Variants in DAB1 observed in about 807,000 individuals in gnomAD.
DAB1 encodes DAB adaptor protein 1.
A neutral mutation model predicts 64.6 loss-of-function variants in DAB1; 15 were observed. That is an observed-to-expected ratio of 0.23 (90% CI 0.16 to 0.36). The LOEUF is 0.36. DAB1 is among the 10% of genes least tolerant of loss of function. DAB1 has a pLI of 1.00. For synonymous variants in DAB1, 235 were observed against 251.9 expected (o/e 0.93, Z 0.64); for missense variants, 596 against 706.7 (o/e 0.84, Z 1.78).
chr1:58,396,869 T>C (rs1024268619), intron 3 of DAB1, among the ~76,000 whole-genome samples: 3 of 152,126 alleles, frequency 2.0e-5, no homozygotes, highest in Non-Finnish European at 4.4e-5. Context: ...AAGACCATCC[T>C]GGCTAACACG....
intron 6 of DAB1, among the ~76,000 whole-genome samples, chr1:57,677,123 C>T (rs1157679378): frequency 6.6e-6 from 1 of 152,156 alleles, no homozygotes; most frequent in African/African-American, 2.4e-5. Context: ...GGCCCTCTCT[C>T]CACCATGTAA....
intron 5 of DAB1, among the ~76,000 whole-genome samples, chr1:58,118,501 TATAC>T (rs1553161121): frequency 7.9e-5 from 5 of 63,288 alleles, no homozygotes; most frequent in African/African-American, 1.4e-4. Context: ...TATATATATA[TATAC>T]ACACACACAC....
Position 57,026,056 on chromosome 1 carries a change from A to C in DAB1, c.724-13T>G. 4 of 1,600,320 alleles carry C rather than the reference A, an allele frequency of 2.5e-6. No homozygotes were observed. Among genetic ancestry groups the C allele is most frequent in the Non-Finnish European group, 2.6e-6 (3 of 1,172,930 alleles). On this transcript the variant is annotated splice_polypyrimidine_tract_variant and intron_variant, in intron 9 of 14. Coordinates refer to ENST00000371236, the MANE Select transcript of DAB1 (RefSeq NM_001365792.1). ...ATTGGGTCACAGCCTGTAAAGACAA[A>C]AAGGTAATCATGTGACTACAAAGAA...
At chr1:58,248,573 A>T (rs899738730) in intron 4 of DAB1, among the ~76,000 whole-genome samples, 2 of 152,086 alleles carry the variant, frequency 1.3e-5, no homozygotes, top group African/African-American at 4.8e-5. Context: ...ATCTAGCATC[A>T]AACGTACAAG....
chr1:57,369,586 T>C (rs1680331128), intron 1 of DAB1, among the ~76,000 whole-genome samples: 1 of 152,186 alleles, frequency 6.6e-6, no homozygotes, highest in African/African-American at 2.4e-5. Context: ...ACTAACATTC[T>C]TGTAATGTCT....
intron 1 of DAB1, among the ~76,000 whole-genome samples, chr1:57,343,019 C>G (rs1441120886): frequency 2.6e-5 from 1 of 37,982 alleles, no homozygotes; most frequent in East Asian, 2.5e-4. Flanking sequence ...GCTCGGGCAG[C>G]CTGCTTTTAT....
chr1:57,186,261 T>G (rs889067001), intron 2 of DAB1, among the ~76,000 whole-genome samples: 7 of 152,180 alleles, frequency 4.6e-5, no homozygotes, highest in African/African-American at 1.7e-4. Flanking sequence ...GCCCCAGCTC[T>G]CAAGTCCAGG....
chr1:57,898,580 A>T (rs1644425514), intron 5 of DAB1, among the ~76,000 whole-genome samples: 1 of 152,144 alleles, frequency 6.6e-6, no homozygotes, highest in Admixed American at 6.6e-5. Flanking sequence ...GAACTTAATT[A>T]AAAAAATATC....
At chr1:58,323,866 A>G (rs1469835992) in intron 4 of DAB1, among the ~76,000 whole-genome samples, 2 of 148,052 alleles carry the variant, frequency 1.4e-5, no homozygotes, top group African/African-American at 5.0e-5. Flanking sequence ...TGGAGCTTGC[A>G]GTGAGCCCAG....
chr1:57,329,340 AG>A (rs1211514695), intron 1 of DAB1, among the ~76,000 whole-genome samples: 1 of 152,228 alleles, frequency 6.6e-6, no homozygotes, highest in East Asian at 1.9e-4. Flanking sequence ...CCATGACATG[AG>A]CTAAATGGAC....
intron 6 of DAB1, among the ~76,000 whole-genome samples, chr1:57,745,873 T>A (rs2101796882): frequency 6.6e-6 from 1 of 152,336 alleles, no homozygotes; most frequent in Admixed American, 6.5e-5. Flanking sequence ...TAATAGTCTA[T>A]TATTTATACA....
At chr1:57,413,102 C>G (rs1160953378) in intron 1 of DAB1, among the ~76,000 whole-genome samples, 3 of 152,118 alleles carry the variant, frequency 2.0e-5, no homozygotes, top group Non-Finnish European at 4.4e-5. Context: ...AAAAATGGAA[C>G]AATGAAGCCT....
intron 5 of DAB1, among the ~76,000 whole-genome samples, chr1:57,927,118 C>G (rs867883069): frequency 6.6e-6 from 1 of 152,172 alleles, no homozygotes; most frequent in East Asian, 1.9e-4. Context: ...TTGATGATGA[C>G]CACCTTATGA....
intron 7 of DAB1, among the ~76,000 whole-genome samples, chr1:57,512,848 GAGGA>G (rs1558449493): frequency 2.6e-5 from 4 of 152,108 alleles, no homozygotes; most frequent in Non-Finnish European, 5.9e-5. Context: ...GGCATCATGA[GAGGA>G]AGGAGCCCAC....
In DAB1 at chr1:57,691,221, G is replaced by A. The variant is rs147357604; in HGVS notation, n.552-41556C>T. Among the ~76,000 whole-genome samples, 442 of 152,152 alleles carry A rather than the reference G, an allele frequency of 2.9e-3. 2 individuals are homozygous for A. Among genetic ancestry groups the A allele is most frequent in the African/African-American group, 8.6e-3 (357 of 41,532 alleles). Reference sequence around the variant, plus strand: ...TAAAGGATTGTAAAGGCACCAACCAGCACTCTGTAAAAATGCACCAATCAG... The same window carrying A: ...TAAAGGATTGTAAAGGCACCAACCAACACTCTGTAAAAATGCACCAATCAG... On this transcript the variant is annotated intron_variant and non_coding_transcript_variant, in intron 6 of 20. Transcript: ENST00000485760.
chr1:58,455,304 C>T (rs1382982994), intron 3 of DAB1, among the ~76,000 whole-genome samples: 3 of 152,212 alleles, frequency 2.0e-5, no homozygotes, highest in Non-Finnish European at 2.9e-5. Context: ...TTCCACAGGG[C>T]GAGGGAGCTA....
At chr1:57,072,248 A>C (rs1651552221) in intron 5 of DAB1, 35 bp downstream of exon 5, 3 of 1,610,114 alleles carry the variant, frequency 1.9e-6, no homozygotes, top group African/African-American at 2.7e-5. Flanking sequence ...CCAGAGTTCC[A>C]AGGAAAGACT....
At chr1:58,319,754 T>C (rs568949277) in intron 4 of DAB1, among the ~76,000 whole-genome samples, 4 of 152,354 alleles carry the variant, frequency 2.6e-5, no homozygotes, top group East Asian at 3.9e-4. Flanking sequence ...TGTAAAAGTA[T>C]AGTGGCTGCC....
intron 4 of DAB1, among the ~76,000 whole-genome samples, chr1:58,269,246 T>G (rs938364205): frequency 2.7e-5 from 4 of 150,338 alleles, no homozygotes; most frequent in East Asian, 2.0e-4. Flanking sequence ...TTCCCACCTA[T>G]GAGTGAGAAT....
Sources: allele counts gnomAD v4.1 joint callset (sites outside exome capture counted in the v4.1 genomes callset), GRCh38; gene constraint gnomAD v4.1.1; transcripts MANE v1.5; gene names NCBI Gene and HGNC (gene_info 2026-07-23, HGNC 2026-07-21).